Variants in TASP1 observed in about 807,000 individuals in gnomAD.
TASP1 encodes the protein taspase 1.
A neutral mutation model predicts 56.6 loss-of-function variants in TASP1; 16 were observed. The ratio of observed to expected loss-of-function variants is 0.28; its 90% confidence interval spans 0.19 to 0.43. The LOEUF (loss-of-function observed/expected upper bound fraction) is 0.43. Ranked by LOEUF, TASP1 falls within the 20% of genes least tolerant of loss-of-function variation. TASP1 has a pLI of 1.00. For missense variants in TASP1, 393 were observed against 511.6 expected (o/e 0.77, Z 2.24); for synonymous variants, 179 against 184.2 (o/e 0.97, Z 0.23).
intron 4 of TASP1, among the ~76,000 whole-genome samples, chr20:13,605,933 T>C (rs1446801158): frequency 6.6e-6 from 1 of 152,040 alleles, no homozygotes; most frequent in African/African-American, 2.4e-5. Flanking sequence ...ATCTGACCCT[T>C]CCCTCCCTCT....
chr20:13,297,830 C>A, the TASP1 span, among the ~76,000 whole-genome samples: 7 of 152,294 alleles, frequency 4.6e-5, no homozygotes, highest in East Asian at 1.4e-3. Context: ...CACAACCCTT[C>A]TGGGGGTAGA....
At chr20:13,288,782 T>G in the TASP1 span, 1 of 1,257,594 alleles carries the variant, frequency 8.0e-7, no homozygotes, top group South Asian at 1.5e-5. Context: ...GATGCACTAC[T>G]TTTCTTTTCT....
intron 7 of TASP1, among the ~76,000 whole-genome samples, chr20:13,564,660 A>G (rs2046453319): frequency 2.0e-5 from 3 of 152,060 alleles, no homozygotes; most frequent in African/African-American, 7.2e-5. Flanking sequence ...AAAAAGTTGG[A>G]AGTCTCACTT....
intron 11 of TASP1, among the ~76,000 whole-genome samples, chr20:13,460,415 T>G (rs1238651446): frequency 6.6e-6 from 1 of 152,166 alleles, no homozygotes; most frequent in Non-Finnish European, 1.5e-5. Flanking sequence ...TTTATCTGCA[T>G]CGATTTTCCT....
chr20:13,618,498 C>G (rs1454115498), intron 4 of TASP1, among the ~76,000 whole-genome samples: 2 of 152,066 alleles, frequency 1.3e-5, no homozygotes. Context: ...AAAATACCTA[C>G]TTTCTTTCTC....
At chr20:13,633,104 C>T (rs1205402398) in intron 1 of TASP1, among the ~76,000 whole-genome samples, 4 of 151,804 alleles carry the variant, frequency 2.6e-5, no homozygotes, top group East Asian at 1.9e-4. Context: ...AGATATAGCC[C>T]GAAAAATGTC....
the TASP1 span, among the ~76,000 whole-genome samples, chr20:13,230,291 T>C: frequency 6.6e-6 from 1 of 152,240 alleles, no homozygotes; most frequent in Non-Finnish European, 1.5e-5. Context: ...ATGTTCACTT[T>C]GTTCACTTTT....
chr20:13,610,730 C>T (rs1462640928), intron 4 of TASP1, among the ~76,000 whole-genome samples: 1 of 152,042 alleles, frequency 6.6e-6, no homozygotes, highest in Non-Finnish European at 1.5e-5. Flanking sequence ...AAATTCCAGA[C>T]TCTCATCCCC....
intron 11 of TASP1, among the ~76,000 whole-genome samples, chr20:13,464,193 C>CT (rs1282636831): frequency 2.0e-5 from 3 of 152,120 alleles, no homozygotes; most frequent in African/African-American, 7.2e-5. Flanking sequence ...GAGACAGAGT[C>CT]TTTAAAGGCT....
chr20:13,607,349 C>T (rs1389640433), intron 4 of TASP1, among the ~76,000 whole-genome samples: 4 of 152,280 alleles, frequency 2.6e-5, no homozygotes, highest in South Asian at 4.2e-4. Context: ...AAGTATTACT[C>T]TTTCACTATA....
chr20:13,511,904 C>T (rs962616172), intron 10 of TASP1, among the ~76,000 whole-genome samples: 7 of 151,994 alleles, frequency 4.6e-5, no homozygotes, highest in Admixed American at 3.9e-4. Context: ...TGGTTTCCAG[C>T]TTCATCCATG....
intron 10 of TASP1, among the ~76,000 whole-genome samples, chr20:13,487,884 G>A (rs1019689751): frequency 1.3e-5 from 2 of 151,984 alleles, no homozygotes; most frequent in African/African-American, 4.8e-5. Context: ...AATGTTTTTT[G>A]CAACAAGTCT....
the TASP1 span, among the ~76,000 whole-genome samples, chr20:13,208,923 T>C: frequency 6.6e-6 from 1 of 152,218 alleles, no homozygotes; most frequent in African/African-American, 2.4e-5. Flanking sequence ...TTTGGGGTTG[T>C]TATGCATCGG....
chr20:13,144,536 A>G, the TASP1 span, among the ~76,000 whole-genome samples: 1 of 152,336 alleles, frequency 6.6e-6, no homozygotes, highest in South Asian at 2.1e-4. Flanking sequence ...GCACAAATCT[A>G]TTGACTGAGG....
At chr20:13,503,690 C>T (rs1401319575) in intron 10 of TASP1, among the ~76,000 whole-genome samples, 1 of 150,998 alleles carries the variant, frequency 6.6e-6, no homozygotes, top group East Asian at 1.9e-4. Context: ...CAGCAAGCTA[C>T]AAAAAATATA....
the TASP1 span, among the ~76,000 whole-genome samples, chr20:13,324,469 G>A: frequency 6.6e-6 from 1 of 152,208 alleles, no homozygotes; most frequent in Non-Finnish European, 1.5e-5. Context: ...AGGCAGGGGT[G>A]TAGAATTTAA....
At chr20:13,493,319 A>G (rs2043605949) in intron 10 of TASP1, among the ~76,000 whole-genome samples, 1 of 152,134 alleles carries the variant, frequency 6.6e-6, no homozygotes, top group Non-Finnish European at 1.5e-5. Context: ...GGAGACTGAC[A>G]TTTGAGTCAG....
At chr20:13,403,061 T>C (rs2123663948) in intron 13 of TASP1, among the ~76,000 whole-genome samples, 1 of 152,282 alleles carries the variant, frequency 6.6e-6, no homozygotes, top group East Asian at 1.9e-4. Context: ...TATCAGATAG[T>C]TTTTAGAAAG....
chr20:13,373,753 CT>C, the TASP1 span, among the ~76,000 whole-genome samples: 1 of 152,104 alleles, frequency 6.6e-6, no homozygotes, highest in Non-Finnish European at 1.5e-5. Flanking sequence ...CTGTTTCCTA[CT>C]TGAGTTTATT....
Sources: allele counts gnomAD v4.1 joint callset (sites outside exome capture counted in the v4.1 genomes callset), GRCh38; gene constraint gnomAD v4.1.1; transcripts MANE v1.5; gene names NCBI Gene and HGNC (gene_info 2026-07-23, HGNC 2026-07-21).